Variants in CNGB3 observed in about 807,000 individuals in gnomAD.
The protein encoded by CNGB3 is cyclic nucleotide-gated channel beta-3.
Under a neutral mutation model 92.8 loss-of-function variants are expected in CNGB3, and 86 were observed. That is an observed-to-expected ratio of 0.93 (90% CI 0.78 to 1.11). The LOEUF is 1.11. CNGB3 is among the 50% of genes least tolerant of loss of function. CNGB3 has a pLI of 0.00. For synonymous variants in CNGB3, 333 were observed against 332.7 expected, an observed-to-expected ratio of 1.00 and a Z score of -0.01; for missense variants, 1,026 against 956.8, an observed-to-expected ratio of 1.07 and a Z score of -0.95.
At chr8:86,608,056 C>T (rs970266155) in intron 14 of CNGB3, among the ~76,000 whole-genome samples, 13 of 151,764 alleles carry the variant, frequency 8.6e-5, no homozygotes, top group Admixed American at 2.6e-4. Flanking sequence ...ACCCAGGTGC[C>T]GAGGCAAGAG....
chr8:86,650,061 T>A (rs538890915), intron 7 of CNGB3, among the ~76,000 whole-genome samples: 1 of 151,452 alleles, frequency 6.6e-6, no homozygotes, highest in East Asian at 1.9e-4. Context: ...CCCGCCCAAA[T>A]TGCATCATAT....
Position 86,606,766 on chromosome 8 carries a change from C to T in CNGB3, c.1663-2555G>A, listed in dbSNP as rs932091880. Among the ~76,000 whole-genome samples the T allele has an allele frequency of 3.9e-5, 6 of 152,050 alleles. No homozygotes were observed. In the South Asian group the frequency reaches 8.3e-4, roughly 21 times the overall value. On this transcript the variant is annotated intron_variant, in intron 14 of 17. Transcript: ENST00000320005. ...TTACTCTTATTTAACAATTGGCAGT[C>T]GAGGTTTAAAAAATTAAGTGTCTTG... is the stretch of plus-strand genomic sequence containing the variant.
At chr8:86,591,573 C>A (rs71525058) in intron 15 of CNGB3, among the ~76,000 whole-genome samples, 1 of 151,754 alleles carries the variant, frequency 6.6e-6, no homozygotes, top group Non-Finnish European at 1.5e-5. Flanking sequence ...GGACCCTCAG[C>A]TGCAGGTCTG....
chr8:86,694,996 G>C (rs1456335917), intron 3 of CNGB3, among the ~76,000 whole-genome samples: 2 of 152,210 alleles, frequency 1.3e-5, no homozygotes, highest in African/African-American at 4.8e-5. Flanking sequence ...CTGCACTCCA[G>C]CCTGGGCATC....
intron 3 of CNGB3, among the ~76,000 whole-genome samples, chr8:86,684,186 C>T (rs2131630398): frequency 6.6e-6 from 1 of 152,104 alleles, no homozygotes; most frequent in East Asian, 1.9e-4. Context: ...GTGGGTAAAA[C>T]ACATGAACAG....
At chr8:86,665,117 T>C (rs935227736) in intron 6 of CNGB3, among the ~76,000 whole-genome samples, 2 of 152,112 alleles carry the variant, frequency 1.3e-5, no homozygotes, top group Non-Finnish European at 2.9e-5. Context: ...GAATCTATAT[T>C]GATTAAAATG....
At chr8:86,693,805 C>G (rs928420627) in intron 3 of CNGB3, among the ~76,000 whole-genome samples, 3 of 149,644 alleles carry the variant, frequency 2.0e-5, no homozygotes, top group African/African-American at 7.3e-5. Flanking sequence ...AAGAATTTTT[C>G]TTAGTACAGA....
intron 3 of CNGB3, among the ~76,000 whole-genome samples, chr8:86,714,409 T>G (rs891853397): frequency 5.3e-5 from 8 of 152,052 alleles, no homozygotes; most frequent in Non-Finnish European, 1.0e-4. Flanking sequence ...ATTCTAGTAT[T>G]TTAAATTATA....
intron 3 of CNGB3, among the ~76,000 whole-genome samples, chr8:86,723,067 C>A (rs1412979320): frequency 6.6e-6 from 1 of 151,958 alleles, no homozygotes; most frequent in Admixed American, 6.6e-5. Context: ...TGTCTCTATT[C>A]CTCTTGGTGT....
At chr8:86,723,570 T>A (rs1428156398) in intron 3 of CNGB3, among the ~76,000 whole-genome samples, 1 of 152,178 alleles carries the variant, frequency 6.6e-6, no homozygotes, top group Admixed American at 6.6e-5. Context: ...ATATGGTAAC[T>A]GTTGTCACCC....
At chr8:86,710,654 C>CA (rs1824733279) in intron 3 of CNGB3, among the ~76,000 whole-genome samples, 1 of 152,090 alleles carries the variant, frequency 6.6e-6, no homozygotes, top group East Asian at 1.9e-4. Flanking sequence ...AGGTTGGCTA[C>CA]AAAAACATTC....
intron 10 of CNGB3, among the ~76,000 whole-genome samples, chr8:86,633,833 ATCTCT>A (rs1823010116): frequency 6.6e-6 from 1 of 152,198 alleles, no homozygotes; most frequent in Non-Finnish European, 1.5e-5. Flanking sequence ...ACAGATGAAT[ATCTCT>A]TCTATTTTTC....
intron 10 of CNGB3, among the ~76,000 whole-genome samples, chr8:86,635,833 T>G (rs1823054548): frequency 1.9e-5 from 1 of 53,878 alleles, no homozygotes; most frequent in African/African-American, 1.0e-4. Context: ...TATATATATA[T>G]ATATATATAT....
chr8:86,632,967 G>T, intron 10 of CNGB3, 74 bp from the exon 11 acceptor site: 1 of 1,352,442 alleles, frequency 7.4e-7, no homozygotes, highest in Non-Finnish European at 1.0e-6. Flanking sequence ...GGAGAATATA[G>T]TACTATTAAA....
chr8:86,708,537 T>C (rs1469667449), intron 3 of CNGB3, among the ~76,000 whole-genome samples: 1 of 150,432 alleles, frequency 6.6e-6, no homozygotes, highest in Non-Finnish European at 1.5e-5. Flanking sequence ...TTTTCTTTAC[T>C]TTCTTTCTTT....
At chr8:86,675,074 T>G (rs1823939613) in intron 3 of CNGB3, among the ~76,000 whole-genome samples, 1 of 152,142 alleles carries the variant, frequency 6.6e-6, no homozygotes, top group East Asian at 1.9e-4. Context: ...TTCTGCTGCC[T>G]CAGCCTCCCG....
chr8:86,680,177 C>T (rs1340625622), intron 3 of CNGB3, among the ~76,000 whole-genome samples: 1 of 152,030 alleles, frequency 6.6e-6, no homozygotes, highest in Non-Finnish European at 1.5e-5. Context: ...AGATATTAGG[C>T]CAAATGCCAT....
At chr8:86,634,633 A>G (rs188394515) in intron 10 of CNGB3, among the ~76,000 whole-genome samples, 1 of 152,032 alleles carries the variant, frequency 6.6e-6, no homozygotes, top group East Asian at 1.9e-4. Flanking sequence ...GGACATTAAG[A>G]TTTTGTGTGT....
At chr8:86,743,188 C>A (rs1203914322) in intron 1 of CNGB3, among the ~76,000 whole-genome samples, 1 of 152,160 alleles carries the variant, frequency 6.6e-6, no homozygotes. Context: ...TGTTGAAACT[C>A]AATCAAGTAA....
Sources: allele counts gnomAD v4.1 joint callset (sites outside exome capture counted in the v4.1 genomes callset), GRCh38; gene constraint gnomAD v4.1.1; transcripts MANE v1.5; gene names NCBI Gene and HGNC (gene_info 2026-07-23, HGNC 2026-07-21).